Variants in PCIF1 observed in about 807,000 individuals in gnomAD.
The protein encoded by PCIF1 is phosphorylated CTD interacting factor 1.
A neutral mutation model predicts 86.9 loss-of-function variants in PCIF1; 12 were observed. The ratio of observed to expected loss-of-function variants is 0.14; its 90% CI spans 0.09 to 0.22. PCIF1 has a LOEUF of 0.22. Among genes scored for constraint, PCIF1 ranks in the 10% least tolerant of loss-of-function variants. The pLI is 1.00. For synonymous variants in PCIF1, 397 were observed against 372.0 expected (o/e 1.07, Z -0.77); for missense variants, 701 against 951.1 (o/e 0.74, Z 3.46).
chr20:45,935,232 C>T (rs2083412013), intron 1 of PCIF1, among the ~76,000 whole-genome samples: 1 of 151,740 alleles, frequency 6.6e-6, no homozygotes, highest in Non-Finnish European at 1.5e-5. Context: ...CTCTCGCCTT[C>T]GTGCGCCGTC....
chr20:45,939,673 G>T (rs1394844467), intron 4 of PCIF1, among the ~76,000 whole-genome samples: 1 of 152,238 alleles, frequency 6.6e-6, no homozygotes, highest in Admixed American at 6.5e-5. Context: ...ATGAGGAATA[G>T]TGTTAGAATA....
intron 1 of PCIF1, among the ~76,000 whole-genome samples, 189 bp downstream of exon 1, chr20:45,934,993 C>T (rs2083404905): frequency 6.6e-6 from 1 of 151,994 alleles, no homozygotes; most frequent in African/African-American, 2.4e-5. Flanking sequence ...GAGGTGGGCC[C>T]GGAGAGCCCC....
chr20:45,941,243 AC>A, intron 7 of PCIF1, 36 bp downstream of exon 7: 1 of 1,555,224 alleles, frequency 6.4e-7, no homozygotes, highest in Non-Finnish European at 8.7e-7. Context: ...CTTTATTTCC[AC>A]CCACCTTTAG....
chr20:45,937,492 C>T lies in PCIF1; in HGVS notation c.-113C>T, dbSNP rs2083436509. 2.5e-6 allele frequency: 1 copy of T among 399,020 alleles called. No individual in the cohort carries two copies. The highest frequency in any genetic ancestry group is 4.4e-6 in the Non-Finnish European group (1 of 226,126). 24.7% of individuals were successfully genotyped at this position (399,020 alleles called of 1,614,324 possible). A position where few individuals can be genotyped will look rare whatever the true frequency, so the allele number is the denominator to read the frequency against. On this transcript the variant is annotated 5_prime_UTR_variant, in exon 2 of 17. Transcript: ENST00000372409. Reference sequence around the variant, plus strand: ...AGCCCATTCGCCTGTGCTGAGTCTTCCTGCAGGCCTTTCCTTGCCTCTGTG... The same window carrying T: ...AGCCCATTCGCCTGTGCTGAGTCTTTCTGCAGGCCTTTCCTTGCCTCTGTG...
At chr20:45,937,940 ATGAGT>A in intron 2 of PCIF1, 1 of 196,704 alleles carries the variant, frequency 5.1e-6, no homozygotes, top group Non-Finnish European at 1.0e-5. Context: ...TGTGACCACA[ATGAGT>A]TGATAAAATT....
At chr20:45,940,114 T>C (rs2083457105) in intron 4 of PCIF1, among the ~76,000 whole-genome samples, 1 of 152,236 alleles carries the variant, frequency 6.6e-6, no homozygotes, top group Non-Finnish European at 1.5e-5. Context: ...TTTTTGAGCT[T>C]TTCATTTATT....
In PCIF1 at chr20:45,940,540, G is replaced by A. The variant is rs1252150715; in HGVS notation, c.315G>A (p.Pro105=). The A allele has an allele frequency of 1.2e-5, 19 of 1,608,448 alleles. No homozygotes were observed. Among genetic ancestry groups the A allele is most frequent in the Middle Eastern group, 1.6e-4 (1 of 6,078 alleles). Residue 105 remains proline, a synonymous_variant, in exon 5 of 17, where the codon CCG becomes CCA. Coordinates refer to ENST00000372409, the MANE Select transcript of PCIF1 (RefSeq NM_022104.4). ...PQDSSLVETP[P]AENKPRKRQL... ...ACTCAAGCTTGGTGGAAACTCCCCC[G>A]GCTGAGAACAAGCCCAGAAAGCGGC...
Position 45,944,988 on chromosome 20 carries a change from C to G in PCIF1, c.1126C>G (p.Arg376Gly). ...HISLEYVKRIREKHLAILKEN... is the reference protein window; with the variant it reads ...HISLEYVKRIGEKHLAILKEN... ...CTCCCTGGAGTACGTCAAACGGATCCGAGAGAAGCACCTTGCCATCCTCAA... is the reference window on the plus strand; with the variant it reads ...CTCCCTGGAGTACGTCAAACGGATCGGAGAGAAGCACCTTGCCATCCTCAA... Residue 376 changes from arginine to glycine, a missense_variant, in exon 11 of 17, where the codon CGA (arginine) becomes GGA (glycine). Arg to Gly is a moderately radical substitution (Grantham distance 125). Coordinates refer to ENST00000372409, the MANE Select transcript of PCIF1 (RefSeq NM_022104.4). The G allele has an allele frequency of 6.2e-7, 1 of 1,613,748 alleles. No individual in the cohort carries two copies. Among genetic ancestry groups the G allele is most frequent in the Non-Finnish European group, 8.5e-7 (1 of 1,179,820 alleles).
chr20:45,945,645 G>A, intron 11 of PCIF1, 66 bp from the exon 12 acceptor site: 3 of 1,562,972 alleles, frequency 1.9e-6, no homozygotes, highest in South Asian at 2.3e-5. Flanking sequence ...TACAAAGCAT[G>A]TGGCCCACAG....
At chr20:45,937,052 C>T (rs117110976) in intron 1 of PCIF1, among the ~76,000 whole-genome samples, 5,203 of 152,334 alleles carry the variant, frequency 0.034, 153 homozygotes, top group Non-Finnish European at 0.052. Context: ...CGTGCCCAGC[C>T]TAAGGGTACT....
At chr20:45,944,222 C>G (rs2083501334) in intron 10 of PCIF1, among the ~76,000 whole-genome samples, 1 of 152,146 alleles carries the variant, frequency 6.6e-6, no homozygotes, top group Non-Finnish European at 1.5e-5. Context: ...TCCACCAGCA[C>G]TAGCAATGGG....
intron 6 of PCIF1, 21 bp from the exon 7 acceptor site, chr20:45,941,032 C>T: frequency 1.9e-6 from 3 of 1,614,202 alleles, no homozygotes; most frequent in Non-Finnish European, 2.5e-6. Flanking sequence ...ACATCCTCAT[C>T]ACTCCTCTCT....
At position 45,947,514 on chromosome 20, in the gene PCIF1, T is replaced by G; in HGVS notation, c.1884-10T>G. The G allele has an allele frequency of 6.2e-7, 1 of 1,613,724 alleles. No homozygotes were observed. Among genetic ancestry groups the G allele is most frequent in the Non-Finnish European group, 8.5e-7 (1 of 1,179,978 alleles). The stretch of plus-strand genomic sequence containing the variant: ...CCAGCCCCACCCTGAGCCATTGCCT[T>G]TGCCCGCAGGGAGGAAATGCACTAC... On this transcript the variant is annotated splice_polypyrimidine_tract_variant and intron_variant, in intron 16 of 16. Coordinates refer to ENST00000372409, the MANE Select transcript of PCIF1 (RefSeq NM_022104.4). This position sits in a 1 kb window ranked among gnomAD's most constrained non-coding sequence, Gnocchi z 5.4.
chr20:45,935,726 ACT>A (rs10584991), intron 1 of PCIF1, among the ~76,000 whole-genome samples: 1,771 of 151,612 alleles, frequency 0.012, 16 homozygotes, highest in African/African-American at 0.029. Context: ...TCTCCCAGTC[ACT>A]CTTACGGTGC....
Position 45,947,903 on chromosome 20 carries a change from C to G in PCIF1, c.*148C>G. On this transcript the variant is annotated 3_prime_UTR_variant, in exon 17 of 17. Coordinates refer to ENST00000372409, the MANE Select transcript of PCIF1 (RefSeq NM_022104.4). This position sits in a 1 kb window ranked among gnomAD's most constrained non-coding sequence, Gnocchi z 5.4. ...TCCCCTCCCTGCCTGTCCCCAAGTC[C>G]TCACCTCAAACTCCCTCCAAGTCCC... 6.5e-7 allele frequency: 1 copy of G among 1,533,688 alleles called. No individual in the cohort carries two copies. Among genetic ancestry groups the G allele is most frequent in the Non-Finnish European group, 8.7e-7 (1 of 1,146,462 alleles).
At position 45,940,538 on chromosome 20, in the gene PCIF1, C is replaced by T. The variant is rs2083460277; in HGVS notation, c.313C>T (p.Pro105Ser). Residue 105 changes from proline (P) to serine (S), a missense_variant, in exon 5 of 17, where the codon CCG becomes TCG. Pro to Ser is a moderately conservative substitution (Grantham distance 74, BLOSUM62 -1). Around this residue, in one of 7 missense-constraint regions of PCIF1, gnomAD observed 125 missense variants for 126.8 expected, o/e 0.99. Coordinates refer to ENST00000372409, the MANE Select transcript of PCIF1 (RefSeq NM_022104.4). ...AGACTCAAGCTTGGTGGAAACTCCC[C>T]CGGCTGAGAACAAGCCCAGAAAGCG... Reference protein sequence around the residue: ...PQDSSLVETPPAENKPRKRQL... With the variant: ...PQDSSLVETPSAENKPRKRQL... 6.2e-7 allele frequency: 1 copy of T among 1,608,392 alleles called. No homozygotes were observed. The highest frequency in any genetic ancestry group is 1.3e-5 in the African/African-American group (1 of 74,842).
Position 45,943,653 on chromosome 20 carries a change from C to T in PCIF1, c.906-13C>T, listed in dbSNP as rs1038964089. 7 of 1,554,624 alleles carry T rather than the reference C, an allele frequency of 4.5e-6. No individual in the cohort carries two copies. The African/African-American group carries it at 6.8e-5, about 15-fold the overall frequency. On this transcript the variant is annotated splice_polypyrimidine_tract_variant and intron_variant, in intron 9 of 16. Transcript: ENST00000372409. The surrounding 1 kb of genome is among the most constrained non-coding windows in gnomAD (Gnocchi z 5.5). ...AAGCCATTCCTTTCTTCTGCCCTCC[C>T]CTTGACTGGCAGGAGTGCATCCCCT... is the stretch of plus-strand genomic sequence containing the variant.
chr20:45,947,933 A>G lies in PCIF1; in HGVS notation c.*178A>G. 1 of 1,533,330 alleles carries G rather than the reference A, an allele frequency of 6.5e-7. No homozygotes were observed. The highest frequency in any genetic ancestry group is 2.4e-5 in the East Asian group (1 of 40,856). The allele number at this position is 1,533,330 out of a possible 1,614,324, so 95.0% of individuals were successfully genotyped here. A position where few individuals can be genotyped will look rare whatever the true frequency, so the allele number is the denominator to read the frequency against. On this transcript the variant is annotated 3_prime_UTR_variant, in exon 17 of 17. Transcript: ENST00000372409. This position sits in a 1 kb window ranked among gnomAD's most constrained non-coding sequence, Gnocchi z 5.4. ...CTCAAACTCCCTCCAAGTCCCATGT[A>G]TATAGGTCCTGATGCCTTCCCAACC...
At chr20:45,936,528 C>T (rs1253197959) in intron 1 of PCIF1, among the ~76,000 whole-genome samples, 1 of 151,290 alleles carries the variant, frequency 6.6e-6, no homozygotes, top group Non-Finnish European at 1.5e-5. Flanking sequence ...CCCTGTCACC[C>T]AGGCTGGAGC....
Sources: allele counts gnomAD v4.1 joint callset (sites outside exome capture counted in the v4.1 genomes callset), GRCh38; gene constraint gnomAD v4.1.1; regional missense constraint gnomAD v4.1.1; non-coding constraint Gnocchi (gnomAD v3.1); transcripts MANE v1.5; gene names NCBI Gene and HGNC (gene_info 2026-07-23, HGNC 2026-07-21).